CPNE4: variants seen among roughly 807,000 people sequenced by gnomAD.
CPNE4 encodes copine 4.
Under a neutral mutation model 67.9 loss-of-function variants are expected in CPNE4, and 25 were observed. That is an observed-to-expected ratio of 0.37 (90% CI 0.27 to 0.51). The LOEUF (loss-of-function observed/expected upper bound fraction) is 0.51, where lower values mean the gene tolerates loss of function less well. CPNE4 is among the 20% of genes least tolerant of loss of function. The probability of loss-of-function intolerance (pLI) is 0.93; values close to 1 mark genes in which losing one functional copy is unlikely to be tolerated. For missense variants in CPNE4, 464 were observed against 690.8 expected (o/e 0.67, Z 3.68); for synonymous variants, 242 against 244.9 (o/e 0.99, Z 0.11).
intron 1 of CPNE4, among the ~76,000 whole-genome samples, chr3:131,957,763 C>G (rs1312360333): frequency 6.6e-6 from 1 of 152,208 alleles, no homozygotes; most frequent in East Asian, 1.9e-4. Context: ...AGCTTATTCT[C>G]AAAGAGAATT....
chr3:131,838,882 CAAT>C (rs1430055353), intron 2 of CPNE4, among the ~76,000 whole-genome samples: 2 of 151,506 alleles, frequency 1.3e-5, no homozygotes, highest in Non-Finnish European at 3.0e-5. Context: ...ATGTGATTTA[CAAT>C]GACTTAAAAT....
chr3:131,579,214 G>A (rs558677040), intron 9 of CPNE4, among the ~76,000 whole-genome samples: 1 of 152,266 alleles, frequency 6.6e-6, no homozygotes, highest in East Asian at 1.9e-4. Flanking sequence ...CTCTGCCCAT[G>A]CTCTACAAAT....
rs372834965 is a variant in CPNE4, at chr3:131,691,612, AATGAG to A, written c.507+4925_507+4929del. On this transcript the variant is annotated intron_variant, in intron 5 of 15. Transcript: ENST00000429747. ...TGGGTCCTATGCTTACTACATGGGT[AATGAG>A]ATCAATTGTACTCCAAACCTCAGTG... Among the ~76,000 whole-genome samples, 608 of 152,312 alleles carry A rather than the reference AATGAG, an allele frequency of 4.0e-3. 3 individuals carry two copies. Among genetic ancestry groups the A allele is most frequent in the African/African-American group, 0.01 (420 of 41,572 alleles).
intron 2 of CPNE4, among the ~76,000 whole-genome samples, chr3:131,873,169 C>G (rs2087291600): frequency 6.6e-6 from 1 of 152,218 alleles, no homozygotes; most frequent in Non-Finnish European, 1.5e-5. Flanking sequence ...TCTCAGATGG[C>G]TAGGACCATG....
intron 1 of CPNE4, among the ~76,000 whole-genome samples, chr3:131,979,297 C>G (rs1035901461): frequency 6.6e-6 from 1 of 152,152 alleles, no homozygotes; most frequent in African/African-American, 2.4e-5. Context: ...AAGTTTCCCA[C>G]TACTATTGTG....
intron 2 of CPNE4, among the ~76,000 whole-genome samples, chr3:131,734,877 G>T (rs1333376053): frequency 6.6e-6 from 1 of 152,092 alleles, no homozygotes; most frequent in Non-Finnish European, 1.5e-5. Flanking sequence ...GGCAACAGGA[G>T]TGAAACCCTG....
At chr3:131,875,394 T>G (rs756330542) in intron 2 of CPNE4, among the ~76,000 whole-genome samples, 3 of 152,164 alleles carry the variant, frequency 2.0e-5, no homozygotes, top group Non-Finnish European at 4.4e-5. Flanking sequence ...ATGTTTATTG[T>G]GGCACTGTTC....
intron 5 of CPNE4, among the ~76,000 whole-genome samples, chr3:131,695,182 T>G (rs1199980102): frequency 2.0e-5 from 3 of 152,196 alleles, no homozygotes; most frequent in African/African-American, 4.8e-5. Context: ...TCTGAATTAC[T>G]AAGGATCTGG....
intron 1 of CPNE4, among the ~76,000 whole-genome samples, chr3:131,987,963 G>A (rs1248843079): frequency 6.6e-6 from 1 of 152,238 alleles, no homozygotes; most frequent in East Asian, 1.9e-4. Flanking sequence ...TAAGCATTTG[G>A]CTTCCTTTAG....
At chr3:131,731,152 C>T (rs575060267) in intron 2 of CPNE4, among the ~76,000 whole-genome samples, 2 of 152,314 alleles carry the variant, frequency 1.3e-5, no homozygotes, top group South Asian at 4.1e-4. Context: ...ACCTGGTTCT[C>T]AAGTAACAGG....
At chr3:131,611,425 C>A (rs528357217) in intron 7 of CPNE4, among the ~76,000 whole-genome samples, 10 of 152,240 alleles carry the variant, frequency 6.6e-5, no homozygotes, top group African/African-American at 2.4e-4. Flanking sequence ...TGTCATTGGG[C>A]CACATGTGGA....
In CPNE4 at chr3:131,982,973, A is replaced by G. The variant is rs568064170; in HGVS notation, c.-2+51594T>C. 3.9e-5 allele frequency among the ~76,000 whole-genome samples: 6 copies of G among 152,228 alleles called. No homozygotes were observed. The South Asian group carries it at 1.2e-3, about 32-fold the overall frequency. ...AGCAAACAAAATCTTTAAAGAAAAAAAGATGAGACAATTATCTTTTAGTAC... is the reference window on the plus strand; with the variant it reads ...AGCAAACAAAATCTTTAAAGAAAAAGAGATGAGACAATTATCTTTTAGTAC... On this transcript the variant is annotated intron_variant, in intron 1 of 15. Coordinates refer to ENST00000429747, the MANE Select transcript of CPNE4 (RefSeq NM_130808.3).
At chr3:131,828,418 A>T (rs2085247654) in intron 2 of CPNE4, among the ~76,000 whole-genome samples, 1 of 152,218 alleles carries the variant, frequency 6.6e-6, no homozygotes, top group Non-Finnish European at 1.5e-5. Context: ...GACTCCCATC[A>T]GTCAAAAAAT....
intron 2 of CPNE4, among the ~76,000 whole-genome samples, chr3:131,816,784 C>T (rs1000015986): frequency 6.6e-6 from 1 of 152,096 alleles, no homozygotes; most frequent in Non-Finnish European, 1.5e-5. Context: ...AGAAATATAC[C>T]TTCCTAAATG....
chr3:131,630,354 T>A (rs556238621), intron 7 of CPNE4, among the ~76,000 whole-genome samples: 3 of 152,342 alleles, frequency 2.0e-5, no homozygotes, highest in African/African-American at 7.2e-5. Context: ...CAACTGGTAC[T>A]CTGGAAAGAG....
intron 10 of CPNE4, among the ~76,000 whole-genome samples, chr3:131,571,052 G>T (rs188615261): frequency 1.3e-5 from 2 of 151,738 alleles, no homozygotes; most frequent in Non-Finnish European, 2.9e-5. Flanking sequence ...TAACTCCTGG[G>T]TCTCACCTAT....
intron 2 of CPNE4, among the ~76,000 whole-genome samples, chr3:131,753,060 T>C (rs1041214717): frequency 6.6e-6 from 1 of 151,564 alleles, no homozygotes; most frequent in Non-Finnish European, 1.5e-5. Context: ...CTCAAATAAA[T>C]ATAGGCTTGG....
rs1202214668 is a variant in CPNE4 at position 132,034,898 on chromosome 3, G to C, written c.-333C>G. On this transcript the variant is annotated 5_prime_UTR_variant, in exon 1 of 16. Coordinates refer to ENST00000429747, the MANE Select transcript of CPNE4 (RefSeq NM_130808.3). Reference sequence around the variant, plus strand: ...AGTAAAGAGGAGGGTACTGAGAAAAGAGGGAGGGAGTGGAGTGGAGCGAGG... The same window carrying C: ...AGTAAAGAGGAGGGTACTGAGAAAACAGGGAGGGAGTGGAGTGGAGCGAGG... The C allele has an allele frequency of 5.1e-6, 5 of 985,376 alleles. No homozygotes were observed. The highest frequency in any genetic ancestry group is 6.0e-6 in the Non-Finnish European group (5 of 829,982). 61.0% of individuals were successfully genotyped at this position (985,376 alleles called of 1,614,324 possible).
At chr3:131,794,985 T>A (rs1271469278) in intron 2 of CPNE4, among the ~76,000 whole-genome samples, 2 of 152,240 alleles carry the variant, frequency 1.3e-5, no homozygotes, top group Non-Finnish European at 2.9e-5. Flanking sequence ...TCTGCAACAC[T>A]GCCATCTGTC....
Sources: gnomAD v4.1 joint callset for allele counts (sites outside exome capture counted in the v4.1 genomes callset) on GRCh38, gnomAD v4.1.1 for gene constraint, MANE v1.5 for transcripts, NCBI Gene and HGNC (gene_info 2026-07-23, HGNC 2026-07-21) for gene names.